The following MYO1D variants were observed in gnomAD, a reference collection of about 807,000 sequenced individuals.
MYO1D encodes the protein unconventional myosin-Id.
In MYO1D, 83 loss-of-function variants were observed where a neutral mutation model predicts 122.0. The observed-to-expected ratio is 0.68, with a 90% CI of 0.57 to 0.82. The LOEUF (loss-of-function observed/expected upper bound fraction) is 0.82, where lower values mean the gene tolerates loss of function less well. Among genes scored for constraint, MYO1D ranks in the 40% least tolerant of loss-of-function variants. MYO1D has a pLI of 0.00. For missense variants in MYO1D, 1,157 were observed against 1,269.5 expected, an observed-to-expected ratio of 0.91 and a Z score of 1.35; for synonymous variants, 464 against 446.9, an observed-to-expected ratio of 1.04 and a Z score of -0.48.
intron 21 of MYO1D, among the ~76,000 whole-genome samples, chr17:32,562,334 A>C (rs1184099383): frequency 1.6e-5 from 1 of 62,482 alleles, no homozygotes; most frequent in Non-Finnish European, 2.9e-5. Context: ...AAAGTTTGTA[A>C]AGGTAAGCTG....
chr17:32,522,658 G>T (rs995912126), intron 21 of MYO1D, among the ~76,000 whole-genome samples: 1 of 152,106 alleles, frequency 6.6e-6, no homozygotes, highest in Non-Finnish European at 1.5e-5. Flanking sequence ...GGCAGTATGA[G>T]GACCCTAATG....
At chr17:32,665,719 G>A (rs546403904) in intron 16 of MYO1D, among the ~76,000 whole-genome samples, 35 of 152,288 alleles carry the variant, frequency 2.3e-4, no homozygotes, top group African/African-American at 7.7e-4. Flanking sequence ...TTCCTCAAAT[G>A]TATAGGGATC....
intron 19 of MYO1D, among the ~76,000 whole-genome samples, chr17:32,651,733 T>C (rs937986502): frequency 2.7e-5 from 4 of 149,848 alleles, no homozygotes; most frequent in African/African-American, 9.9e-5. Flanking sequence ...TGGAGTGCAG[T>C]GGCACGATCT....
intron 1 of MYO1D, among the ~76,000 whole-genome samples, chr17:32,797,010 C>T (rs1325933159): frequency 6.6e-6 from 1 of 151,466 alleles, no homozygotes; most frequent in African/African-American, 2.4e-5. Context: ...GTCGTTCTAT[C>T]ACCAGGCTAG....
At chr17:32,623,446 G>T (rs1237799914) in intron 20 of MYO1D, among the ~76,000 whole-genome samples, 2 of 152,088 alleles carry the variant, frequency 1.3e-5, no homozygotes, top group African/African-American at 4.8e-5. Context: ...TGGTGGGGAT[G>T]GGGGGTCGTT....
chr17:32,683,636 A>G (rs561919701), intron 16 of MYO1D, among the ~76,000 whole-genome samples: 41 of 151,824 alleles, frequency 2.7e-4, no homozygotes, highest in African/African-American at 7.7e-4. Flanking sequence ...TGCTGGGAGA[A>G]CCACTGCTCT....
In MYO1D at chr17:32,760,375, T is replaced by C. The variant is rs2089988227; in HGVS notation, c.1211A>G (p.Asn404Ser). 8 of 1,612,022 alleles carry C rather than the reference T, an allele frequency of 5.0e-6. No homozygotes were observed. The highest frequency in any genetic ancestry group is 1.7e-4 in the Middle Eastern group (1 of 6,054). Residue 404 changes from asparagine to serine, a missense_variant, in exon 10 of 22, where the codon AAT (asparagine) becomes AGT (serine). Coordinates refer to ENST00000318217, the MANE Select transcript of MYO1D (RefSeq NM_015194.3). ...AATAAATAGCTGCTGCAGTTTCTCA[T>C]TGCAGTAATTGATACAGAATTGTTC... Reference protein sequence around the residue: ...SFEQFCINYCNEKLQQLFIQL... With the variant: ...SFEQFCINYCSEKLQQLFIQL...
At chr17:32,760,184 G>T in intron 10 of MYO1D, 106 bp downstream of exon 10, 1 of 956,548 alleles carries the variant, frequency 1.0e-6, no homozygotes, top group Non-Finnish European at 1.7e-6. Flanking sequence ...CTAAGGTTCA[G>T]ATGTTTCAAA....
At chr17:32,603,071 A>T (rs1597923853) in intron 21 of MYO1D, among the ~76,000 whole-genome samples, 3 of 52,172 alleles carry the variant, frequency 5.8e-5, no homozygotes, top group South Asian at 6.8e-4. Context: ...ACCAAGAATT[A>T]AAAAAAAAAA....
intron 16 of MYO1D, among the ~76,000 whole-genome samples, chr17:32,669,210 T>C (rs1227706170): frequency 6.6e-6 from 1 of 152,160 alleles, no homozygotes; most frequent in Non-Finnish European, 1.5e-5. Context: ...CCTTCCCCTA[T>C]CTCCCTGAAA....
At chr17:32,575,712 T>C (rs1339735775) in intron 21 of MYO1D, among the ~76,000 whole-genome samples, 1 of 152,208 alleles carries the variant, frequency 6.6e-6, no homozygotes, top group Admixed American at 6.5e-5. Context: ...TTCTTCTCTT[T>C]GGAGTTTGCC....
chr17:32,663,199 G>T (rs962133256), intron 16 of MYO1D, among the ~76,000 whole-genome samples: 2 of 152,164 alleles, frequency 1.3e-5, no homozygotes, highest in Admixed American at 6.5e-5. Context: ...TTACAGGTGT[G>T]AGCCACCGCA....
intron 16 of MYO1D, among the ~76,000 whole-genome samples, chr17:32,668,071 A>G (rs2088660791): frequency 6.6e-6 from 1 of 152,040 alleles, no homozygotes. Flanking sequence ...TCTTGTAAAC[A>G]CTCTGTGGAG....
intron 1 of MYO1D, among the ~76,000 whole-genome samples, chr17:32,844,333 T>G (rs1327546292): frequency 6.8e-6 from 1 of 146,348 alleles, no homozygotes; most frequent in Non-Finnish European, 1.5e-5. Flanking sequence ...ATATAATATG[T>G]ATATGTATAT....
intron 4 of MYO1D, among the ~76,000 whole-genome samples, chr17:32,775,345 A>G (rs2090161649): frequency 6.6e-6 from 1 of 152,154 alleles, no homozygotes; most frequent in African/African-American, 2.4e-5. Flanking sequence ...TGGTGGTCCC[A>G]AGAAGAAAAT....
At chr17:32,858,154 A>C (rs1007166673) in intron 1 of MYO1D, among the ~76,000 whole-genome samples, 1 of 152,232 alleles carries the variant, frequency 6.6e-6, no homozygotes, top group African/African-American at 2.4e-5. Context: ...ATCTCTTTAC[A>C]AGAACCTAAT....
At chr17:32,602,045 T>A (rs1371101594) in intron 21 of MYO1D, among the ~76,000 whole-genome samples, 2 of 152,224 alleles carry the variant, frequency 1.3e-5, no homozygotes, top group Non-Finnish European at 2.9e-5. Flanking sequence ...AGGAAAAATT[T>A]ATTCGAGGAC....
At chr17:32,722,505 G>T (rs1171377613) in intron 14 of MYO1D, among the ~76,000 whole-genome samples, 1 of 152,212 alleles carries the variant, frequency 6.6e-6, no homozygotes, top group Non-Finnish European at 1.5e-5. Flanking sequence ...ATGGCCAGTT[G>T]AGTCTTTTAT....
At chr17:32,724,798 A>G (rs1420542248) in intron 14 of MYO1D, among the ~76,000 whole-genome samples, 1 of 152,234 alleles carries the variant, frequency 6.6e-6, no homozygotes, top group Non-Finnish European at 1.5e-5. Context: ...AGTCCTTGAA[A>G]TTGGAATAGC....
Sources: allele counts gnomAD v4.1 joint callset (sites outside exome capture counted in the v4.1 genomes callset), GRCh38; gene constraint gnomAD v4.1.1; transcripts MANE v1.5; gene names NCBI Gene and HGNC (gene_info 2026-07-23, HGNC 2026-07-21).